The following KLF15 variants were observed in gnomAD, a reference collection of about 807,000 sequenced individuals.
The protein encoded by KLF15 is KLF transcription factor 15, also known as Krueppel-like factor 15.
A neutral mutation model predicts 24.6 loss-of-function variants in KLF15; 4 were observed. The ratio of observed to expected loss-of-function variants is 0.16; its 90% CI spans 0.08 to 0.37. The LOEUF is 0.37. Ranked by LOEUF, KLF15 falls within the 10% of genes least tolerant of loss-of-function variation. KLF15 has a pLI of 1.00. For missense variants in KLF15, 496 were observed against 560.6 expected (o/e 0.88, Z 1.16); for synonymous variants, 246 against 236.3 (o/e 1.04, Z -0.37).
intron 2 of KLF15, among the ~76,000 whole-genome samples, chr3:126,345,512 G>A (rs1470340922): frequency 1.3e-5 from 2 of 151,340 alleles, no homozygotes; most frequent in African/African-American, 2.4e-5. Context: ...CACACATACA[G>A]GCACACAAAC....
At chr3:126,333,179 G>T in the KLF15 span, among the ~76,000 whole-genome samples, 5 of 61,436 alleles carry the variant, frequency 8.1e-5, no homozygotes, top group South Asian at 7.0e-4. Flanking sequence ...GAGAAAGGTC[G>T]GGTTACCCTC....
chr3:126,341,922 G>A (rs1165562332), downstream of KLF15, among the ~76,000 whole-genome samples: 1 of 152,154 alleles, frequency 6.6e-6, no homozygotes, highest in African/African-American at 2.4e-5. Flanking sequence ...ACTGAAGCAG[G>A]CCCTGGTCAG....
At chr3:126,319,526 G>T in the KLF15 span, among the ~76,000 whole-genome samples, 5 of 152,186 alleles carry the variant, frequency 3.3e-5, no homozygotes, top group African/African-American at 1.2e-4. Context: ...GACATATGAT[G>T]TTGAGTATCT....
At chr3:126,354,035 G>C (rs1283188226) in intron 1 of KLF15, 1 of 152,414 alleles carries the variant, frequency 6.6e-6, no homozygotes, top group Non-Finnish European at 1.5e-5. Context: ...TTCAGCTAAT[G>C]CCTGTCTCCC....
chr3:126,323,397 C>A, the KLF15 span, among the ~76,000 whole-genome samples: 1 of 58,232 alleles, frequency 1.7e-5, no homozygotes, highest in Non-Finnish European at 3.0e-5. Flanking sequence ...TACTTAGCCC[C>A]AGTAGTTATA....
At chr3:126,297,408 A>G in the KLF15 span, among the ~76,000 whole-genome samples, 2 of 152,206 alleles carry the variant, frequency 1.3e-5, no homozygotes, top group African/African-American at 4.8e-5. Context: ...ATCATATACT[A>G]AATTTCATAT....
chr3:126,303,419 C>T, the KLF15 span, among the ~76,000 whole-genome samples: 2 of 151,938 alleles, frequency 1.3e-5, no homozygotes, highest in Non-Finnish European at 2.9e-5. Flanking sequence ...GTTAACAATC[C>T]TCCCCCATCC....
the KLF15 span, among the ~76,000 whole-genome samples, chr3:126,323,404 TA>T: frequency 6.6e-4 from 17 of 25,828 alleles, no homozygotes; most frequent in South Asian, 1.9e-3. Flanking sequence ...CCCCAGTAGT[TA>T]TATATATATA....
chr3:126,338,152 G>A (rs1175406778), downstream of KLF15, among the ~76,000 whole-genome samples: 2 of 152,232 alleles, frequency 1.3e-5, no homozygotes, highest in Non-Finnish European at 2.9e-5. Flanking sequence ...TCCCAGCTGT[G>A]AGCCCAGATT....
At chr3:126,336,449 T>C in the KLF15 span, among the ~76,000 whole-genome samples, 4 of 68,084 alleles carry the variant, frequency 5.9e-5, no homozygotes, top group Admixed American at 5.7e-4. Context: ...GATTTAAACG[T>C]TAGACCTAAA....
At chr3:126,308,857 C>T in the KLF15 span, among the ~76,000 whole-genome samples, 14 of 152,270 alleles carry the variant, frequency 9.2e-5, no homozygotes, top group Middle Eastern at 6.8e-3. Context: ...ACTGGCCTCA[C>T]GGCAGGACAG....
At chr3:126,332,358 G>A in the KLF15 span, among the ~76,000 whole-genome samples, 4 of 143,882 alleles carry the variant, frequency 2.8e-5, no homozygotes, top group Non-Finnish European at 4.6e-5. Context: ...GCAGCTGAGG[G>A]TCCTGTCTGT....
At chr3:126,291,640 C>T in the KLF15 span, among the ~76,000 whole-genome samples, 4 of 152,372 alleles carry the variant, frequency 2.6e-5, no homozygotes, top group Admixed American at 2.6e-4. Context: ...GGCTGCGTCC[C>T]GGCCTTTGCC....
At chr3:126,316,880 C>T in the KLF15 span, among the ~76,000 whole-genome samples, 1 of 152,118 alleles carries the variant, frequency 6.6e-6, no homozygotes, top group Non-Finnish European at 1.5e-5. Flanking sequence ...GCAGGACCAG[C>T]GAGCCCTCAG....
chr3:126,296,254 G>GC, the KLF15 span, among the ~76,000 whole-genome samples: 2 of 152,094 alleles, frequency 1.3e-5, no homozygotes, highest in Non-Finnish European at 1.5e-5. Context: ...TATCGCCCAG[G>GC]TGGAGTACAG....
the KLF15 span, among the ~76,000 whole-genome samples, chr3:126,329,391 T>A: frequency 6.6e-6 from 1 of 152,176 alleles, no homozygotes; most frequent in Non-Finnish European, 1.5e-5. Flanking sequence ...AGCTGAGGTG[T>A]GGCAAATCGC....
chr3:126,342,295 T>C (rs889142645), downstream of KLF15, among the ~76,000 whole-genome samples: 1 of 152,074 alleles, frequency 6.6e-6, no homozygotes, highest in African/African-American at 2.4e-5. Context: ...GGGTAGGAAG[T>C]GCAAGAAAGG....
chr3:126,338,229 G>T (rs1487570594), downstream of KLF15, among the ~76,000 whole-genome samples: 1 of 152,180 alleles, frequency 6.6e-6, no homozygotes, highest in Non-Finnish European at 1.5e-5. Context: ...ACCAGCCCAA[G>T]GTGGGAACCA....
At chr3:126,294,220 G>C in the KLF15 span, among the ~76,000 whole-genome samples, 1 of 152,162 alleles carries the variant, frequency 6.6e-6, no homozygotes, top group Non-Finnish European at 1.5e-5. Context: ...CCTTGTGCCT[G>C]GTCATGCCAA....
Sources: gnomAD v4.1 joint callset for allele counts (sites outside exome capture counted in the v4.1 genomes callset) on GRCh38, gnomAD v4.1.1 for gene constraint, MANE v1.5 for transcripts, NCBI Gene and HGNC (gene_info 2026-07-23, HGNC 2026-07-21) for gene names.